The following CENPW variants were observed in gnomAD, a reference collection of about 807,000 sequenced individuals.
CENPW encodes cancer-up-regulated gene 2 protein.
In CENPW, 3 loss-of-function variants were observed where a neutral mutation model predicts 11.1. The ratio of observed to expected loss-of-function variants is 0.27; its 90% CI spans 0.12 to 0.70. The LOEUF is 0.70. Ranked by LOEUF, CENPW falls within the 30% of genes least tolerant of loss-of-function variation. CENPW has a pLI of 0.77. For synonymous variants in CENPW, 38 were observed against 42.0 expected, an observed-to-expected ratio of 0.91 and a Z score of 0.37; for missense variants, 100 against 105.6, an observed-to-expected ratio of 0.95 and a Z score of 0.23.
chr6:126,362,501 C>T, the CENPW span, among the ~76,000 whole-genome samples: 1 of 152,148 alleles, frequency 6.6e-6, no homozygotes, highest in South Asian at 2.1e-4. Context: ...CTTGTCTCTT[C>T]ATCCACCCTC....
the CENPW span, among the ~76,000 whole-genome samples, chr6:126,459,649 T>C: frequency 6.6e-6 from 1 of 151,610 alleles, no homozygotes; most frequent in Admixed American, 6.6e-5. Context: ...ATATCTTGTA[T>C]ATTAGCTTGC....
At chr6:126,431,186 C>A in the CENPW span, among the ~76,000 whole-genome samples, 2 of 152,094 alleles carry the variant, frequency 1.3e-5, no homozygotes, top group African/African-American at 4.8e-5. Flanking sequence ...GAGATAAACA[C>A]CTGTTGATTT....
At chr6:126,456,757 A>T in the CENPW span, among the ~76,000 whole-genome samples, 1 of 151,632 alleles carries the variant, frequency 6.6e-6, no homozygotes, top group African/African-American at 2.4e-5. Flanking sequence ...TCAACAGAGT[A>T]AACACACAAC....
At chr6:126,383,182 A>G in the CENPW span, among the ~76,000 whole-genome samples, 1 of 152,222 alleles carries the variant, frequency 6.6e-6, no homozygotes, top group African/African-American at 2.4e-5. Context: ...ACTAAGCTTC[A>G]TAAGTGAATG....
At chr6:126,361,235 G>A in the CENPW span, among the ~76,000 whole-genome samples, 1 of 152,290 alleles carries the variant, frequency 6.6e-6, no homozygotes, top group East Asian at 1.9e-4. Flanking sequence ...CGCTTAAGAC[G>A]CTTAAGAGTA....
the CENPW span, among the ~76,000 whole-genome samples, chr6:126,461,171 T>G: frequency 2.0e-5 from 3 of 151,812 alleles, no homozygotes; most frequent in Non-Finnish European, 2.9e-5. Context: ...TGGGAAATGA[T>G]TGAATCATGG....
chr6:126,442,042 T>C, the CENPW span, among the ~76,000 whole-genome samples: 1 of 151,684 alleles, frequency 6.6e-6, no homozygotes, highest in South Asian at 2.1e-4. Flanking sequence ...TTTTCCACAG[T>C]GGTTGTACCA....
downstream of CENPW, among the ~76,000 whole-genome samples, chr6:126,352,835 A>G (rs1176920831): frequency 6.6e-6 from 1 of 152,024 alleles, no homozygotes; most frequent in Non-Finnish European, 1.5e-5. Flanking sequence ...GTGACCCAGC[A>G]CCTTTTTCTT....
chr6:126,357,684 C>A, the CENPW span, among the ~76,000 whole-genome samples: 1 of 152,034 alleles, frequency 6.6e-6, no homozygotes, highest in African/African-American at 2.4e-5. Flanking sequence ...TTTCGGCTCA[C>A]TGCAACCTCC....
chr6:126,476,513 G>T, the CENPW span, among the ~76,000 whole-genome samples: 1 of 151,950 alleles, frequency 6.6e-6, no homozygotes, highest in Admixed American at 6.6e-5. Context: ...AGTTAAACCT[G>T]CAATGAAAAT....
the CENPW span, among the ~76,000 whole-genome samples, chr6:126,419,160 G>A: frequency 6.6e-6 from 1 of 151,980 alleles, no homozygotes; most frequent in Admixed American, 6.6e-5. Context: ...TACAAATATC[G>A]AGGTAGATCA....
chr6:126,348,455 C>T lies in CENPW; in HGVS notation c.241-11C>T. 7.6e-7 allele frequency: 1 copy of T among 1,318,274 alleles called. No homozygotes were observed. Among genetic ancestry groups the T allele is most frequent in the Non-Finnish European group, 1.1e-6 (1 of 918,154 alleles). 81.7% of individuals were successfully genotyped at this position (1,318,274 alleles called of 1,614,324 possible). On this transcript the variant is annotated splice_polypyrimidine_tract_variant and intron_variant, in intron 2 of 2. Coordinates refer to ENST00000368328, the MANE Select transcript of CENPW (RefSeq NM_001012507.4). ...GATATAATATGAATCTTATTTTTTT[C>T]CCTCTTACAGGTAATTCTAAAGAAG...
At chr6:126,420,477 A>T in the CENPW span, among the ~76,000 whole-genome samples, 2 of 152,158 alleles carry the variant, frequency 1.3e-5, no homozygotes, top group Non-Finnish European at 2.9e-5. Context: ...GCAACTGGAA[A>T]TTGAAGTTGG....
chr6:126,436,288 A>G, the CENPW span, among the ~76,000 whole-genome samples: 1 of 151,870 alleles, frequency 6.6e-6, no homozygotes, highest in South Asian at 2.1e-4. Flanking sequence ...TAATCAAGGA[A>G]ATGATAATTT....
At chr6:126,464,796 A>G in the CENPW span, among the ~76,000 whole-genome samples, 11 of 152,196 alleles carry the variant, frequency 7.2e-5, no homozygotes, top group African/African-American at 2.6e-4. Flanking sequence ...TGACCATGTG[A>G]GTCAATTCTC....
At chr6:126,353,457 A>T (rs1780513829), downstream of CENPW, among the ~76,000 whole-genome samples, 1 of 151,988 alleles carries the variant, frequency 6.6e-6, no homozygotes, top group African/African-American at 2.4e-5. Context: ...AGGCTTATAG[A>T]GGGTAATATG....
At chr6:126,387,498 A>G in the CENPW span, among the ~76,000 whole-genome samples, 1 of 151,976 alleles carries the variant, frequency 6.6e-6, no homozygotes, top group Admixed American at 6.6e-5. Context: ...AAGTGCAATT[A>G]GTATATTTAT....
the CENPW span, among the ~76,000 whole-genome samples, chr6:126,436,386 A>G: frequency 6.6e-6 from 1 of 151,866 alleles, no homozygotes; most frequent in Non-Finnish European, 1.5e-5. Context: ...ATGATCACAA[A>G]TCTGTTAGTT....
chr6:126,348,390 A>G (rs1044584766), intron 2 of CENPW, 76 bp from the exon 3 acceptor site: 6 of 833,052 alleles, frequency 7.2e-6, no homozygotes, highest in African/African-American at 1.7e-5. Flanking sequence ...ACCCAGGACT[A>G]TTTAACTTTT....
Sources: gnomAD v4.1 joint callset for allele counts (sites outside exome capture counted in the v4.1 genomes callset) on GRCh38, gnomAD v4.1.1 for gene constraint, MANE v1.5 for transcripts, NCBI Gene and HGNC (gene_info 2026-07-23, HGNC 2026-07-21) for gene names.